Variants in GALNT15 observed in about 807,000 individuals in gnomAD.
The protein encoded by GALNT15 is polypeptide N-acetylgalactosaminyltransferase 15.
Under a neutral mutation model 66.8 loss-of-function variants are expected in GALNT15, and 67 were observed. That is an observed-to-expected ratio of 1.00 (90% CI 0.82 to 1.23). The LOEUF is 1.23. Ranked by LOEUF, GALNT15 falls within the 50% of genes most tolerant of loss-of-function variation. GALNT15 has a pLI of 0.00. For synonymous variants in GALNT15, 313 were observed against 311.5 expected, an observed-to-expected ratio of 1.00 and a Z score of -0.05; for missense variants, 827 against 804.3, an observed-to-expected ratio of 1.03 and a Z score of -0.34.
Position 16,195,872 on chromosome 3 carries a change from G to C in GALNT15, c.652G>C (p.Val218Leu). Residue 218 changes from valine to leucine, a missense_variant, in exon 2 of 10, where the codon GTG (valine) becomes CTG (leucine). Val to Leu is a conservative substitution (Grantham distance 32, BLOSUM62 1). Transcript: ENST00000339732. The surrounding 1 kb of genome is among the most constrained non-coding windows in gnomAD (Gnocchi z 4.6). ...GACTGTACACAGCATCCTCGACACAGTGCCCAGGGCCTTCCTGAAGGAGAT... is the reference window on the plus strand; with the variant it reads ...GACTGTACACAGCATCCTCGACACACTGCCCAGGGCCTTCCTGAAGGAGAT... Reference protein sequence around the residue: ...LRTVHSILDTVPRAFLKEIIL... With the variant: ...LRTVHSILDTLPRAFLKEIIL... 1 of 1,614,128 alleles carries C rather than the reference G, an allele frequency of 6.2e-7. No homozygotes were observed. Among genetic ancestry groups the C allele is most frequent in the Middle Eastern group, 1.7e-4 (1 of 6,060 alleles).
intron 3 of GALNT15, among the ~76,000 whole-genome samples, chr3:16,202,672 T>C (rs1012471218): frequency 2.6e-5 from 4 of 152,256 alleles, no homozygotes; most frequent in African/African-American, 9.6e-5. Flanking sequence ...AAAGCTGCCA[T>C]TTTTGATTCT....
rs1265729857 is a variant in GALNT15 at position 16,183,683 on chromosome 3, C to T, written c.539+7993C>T. On this transcript the variant is annotated intron_variant, in intron 1 of 9. Coordinates refer to ENST00000339732, the MANE Select transcript of GALNT15 (RefSeq NM_054110.5). The surrounding 1 kb of genome is among the most constrained non-coding windows in gnomAD (Gnocchi z 5.2). ...CAGGGCTGAGATAGAGAAGCCTATC[C>T]GAGTGGGGCGCCTCCACTGATTTGA... is the stretch of plus-strand genomic sequence containing the variant. Among the ~76,000 whole-genome samples the T allele has an allele frequency of 3.3e-5, 5 of 152,112 alleles. No individual in the cohort carries two copies. Among genetic ancestry groups the T allele is most frequent in the African/African-American group, 9.7e-5 (4 of 41,424 alleles).
At position 16,229,638 on chromosome 3, in the gene GALNT15, A is replaced by AC; in HGVS notation, c.*2138_*2139insC. The stretch of plus-strand genomic sequence containing the variant: ...TGGTATTAGCGGCTGAAGAAAAAAA[A>AC]TTTTTCAAGACCTCTGTTTTTTAAC... On this transcript the variant is annotated 3_prime_UTR_variant, in exon 10 of 10. Coordinates refer to ENST00000339732, the MANE Select transcript of GALNT15 (RefSeq NM_054110.5). The AC allele has an allele frequency of 1.0e-6, 1 of 985,324 alleles. No homozygotes were observed. Among genetic ancestry groups the AC allele is most frequent in the Non-Finnish European group, 1.2e-6 (1 of 829,896 alleles). 61.0% of individuals were successfully genotyped at this position (985,324 alleles called of 1,614,324 possible). A position where few individuals can be genotyped will look rare whatever the true frequency, so the allele number is the denominator to read the frequency against.
the GALNT15 span, among the ~76,000 whole-genome samples, chr3:16,238,489 A>G: frequency 9.2e-5 from 14 of 152,138 alleles, no homozygotes; most frequent in African/African-American, 2.9e-4. This position sits in a 1 kb window ranked among gnomAD's most constrained non-coding sequence, Gnocchi z 4.8. Flanking sequence ...TATTGTAACA[A>G]CATTGCAATA....
chr3:16,218,313 A>G (rs970520040), intron 6 of GALNT15, among the ~76,000 whole-genome samples: 1 of 152,200 alleles, frequency 6.6e-6, no homozygotes, highest in African/African-American at 2.4e-5. Context: ...GAACTCTGAC[A>G]TGGCCAGCTC....
intron 2 of GALNT15, among the ~76,000 whole-genome samples, chr3:16,197,450 G>A (rs2063650523): frequency 6.6e-6 from 1 of 152,182 alleles, no homozygotes; most frequent in African/African-American, 2.4e-5. Context: ...TCTCCTCTGT[G>A]TGCTTGCCAA....
chr3:16,215,906 C>CAAAAAAAAAAAACAAAA (rs1559690416), intron 6 of GALNT15, among the ~76,000 whole-genome samples: 8 of 102,598 alleles, frequency 7.8e-5, no homozygotes, highest in Non-Finnish European at 1.0e-4. Context: ...GAGACTCCGC[C>CAAAAAAAAAAAACAAAA]AAAAAAAAAA....
chr3:16,177,617 G>A (rs931343437), intron 1 of GALNT15, among the ~76,000 whole-genome samples: 2 of 152,214 alleles, frequency 1.3e-5, no homozygotes, highest in Non-Finnish European at 2.9e-5. Flanking sequence ...GTGTGCATGT[G>A]TGTTAATGTG....
At chr3:16,247,536 A>C in the GALNT15 span, among the ~76,000 whole-genome samples, 2 of 152,178 alleles carry the variant, frequency 1.3e-5, no homozygotes, top group Non-Finnish European at 2.9e-5. Context: ...ACAAATATTA[A>C]AGCAGCAGGC....
chr3:16,206,376 T>G (rs1193830525), intron 3 of GALNT15, among the ~76,000 whole-genome samples: 2 of 144,464 alleles, frequency 1.4e-5, no homozygotes, highest in Non-Finnish European at 1.5e-5. Flanking sequence ...AGTGAGACCA[T>G]TTAAAAAAAA....
rs938183218 is a variant in GALNT15 at position 16,189,841 on chromosome 3, C to A, written c.540-5919C>A. ...TATGTTCAAGATGGATTAATGGAGTCAAAAAGATTGTGAGAAATGAGAATT... is the reference window on the plus strand; with the variant it reads ...TATGTTCAAGATGGATTAATGGAGTAAAAAAGATTGTGAGAAATGAGAATT... On this transcript the variant is annotated intron_variant, in intron 1 of 9. Transcript: ENST00000339732. The surrounding 1 kb of genome is among the most constrained non-coding windows in gnomAD (Gnocchi z 5.1). Among the ~76,000 whole-genome samples the A allele has an allele frequency of 9.9e-5, 15 of 151,756 alleles. No homozygotes were observed. Among genetic ancestry groups the A allele is most frequent in the African/African-American group, 3.4e-4 (14 of 41,102 alleles).
rs182951319 is a variant in GALNT15, at chr3:16,186,515, T to C, written c.540-9245T>C. Among the ~76,000 whole-genome samples the C allele has an allele frequency of 2.8e-4, 43 of 152,306 alleles. No homozygotes were observed. The highest frequency in any genetic ancestry group is 8.2e-4 in the African/African-American group (34 of 41,562). ...ATTCATAGTGGCATTAGTCATAATA[T>C]AAGTCAAAATAGGAGCAATCCAAAT... On this transcript the variant is annotated intron_variant, in intron 1 of 9. Coordinates refer to ENST00000339732, the MANE Select transcript of GALNT15 (RefSeq NM_054110.5). The surrounding 1 kb of genome is among the most constrained non-coding windows in gnomAD (Gnocchi z 5.1).
rs1056803668 is a variant in GALNT15 at position 16,181,513 on chromosome 3, C to T, written c.539+5823C>T. Among the ~76,000 whole-genome samples, 1 of 151,982 alleles carries T rather than the reference C, an allele frequency of 6.6e-6. No homozygotes were observed. Among genetic ancestry groups the T allele is most frequent in the East Asian group, 1.9e-4 (1 of 5,152 alleles). On this transcript the variant is annotated intron_variant, in intron 1 of 9. Transcript: ENST00000339732. This position sits in a 1 kb window ranked among gnomAD's most constrained non-coding sequence, Gnocchi z 5.9. ...GTCGCCTTGGCTGCAGCTTTGTTGT[C>T]AAGTAGAAGATGGTGTTGCAATCCA...
intron 1 of GALNT15, among the ~76,000 whole-genome samples, chr3:16,178,855 C>T (rs2063441113): frequency 6.6e-6 from 1 of 152,198 alleles, no homozygotes; most frequent in East Asian, 1.9e-4. Context: ...CGGGCTGTAG[C>T]GCACCCCGTG....
rs759270506 is a variant in GALNT15, at chr3:16,189,103, C to G, written c.540-6657C>G. Among the ~76,000 whole-genome samples the G allele has an allele frequency of 3.3e-5, 5 of 152,138 alleles. No homozygotes were observed. Among genetic ancestry groups the G allele is most frequent in the Non-Finnish European group, 7.4e-5 (5 of 68,020 alleles). On this transcript the variant is annotated intron_variant, in intron 1 of 9. Transcript: ENST00000339732. The surrounding 1 kb of genome is among the most constrained non-coding windows in gnomAD (Gnocchi z 5.1). ...TAACAACAACAACAAAAAAAGGAAG[C>G]CACCAAAGCCACTGGATGAGCAAGA... is the stretch of plus-strand genomic sequence containing the variant.
chr3:16,238,135 G>A, the GALNT15 span, among the ~76,000 whole-genome samples: 3 of 152,132 alleles, frequency 2.0e-5, no homozygotes, highest in South Asian at 4.1e-4. The surrounding 1 kb of genome is among the most constrained non-coding windows in gnomAD (Gnocchi z 4.8). Context: ...TTTCCTCTTA[G>A]CAGTTACCAT....
chr3:16,243,168 A>G, the GALNT15 span, among the ~76,000 whole-genome samples: 1 of 152,222 alleles, frequency 6.6e-6, no homozygotes, highest in South Asian at 2.1e-4. Flanking sequence ...TGCACTTGCA[A>G]GAGCAGACCA....
rs757047930 is a variant in GALNT15, at chr3:16,224,971, C to G, written c.1773+2213C>G. On this transcript the variant is annotated intron_variant, in intron 9 of 9. Coordinates refer to ENST00000339732, the MANE Select transcript of GALNT15 (RefSeq NM_054110.5). The surrounding 1 kb of genome is among the most constrained non-coding windows in gnomAD (Gnocchi z 5.2). Reference sequence around the variant, plus strand: ...ATTCTTGCATTGCTATAAAGAAATACTAGAGACTGGGTAATTTATAAGAAA... The same window carrying G: ...ATTCTTGCATTGCTATAAAGAAATAGTAGAGACTGGGTAATTTATAAGAAA... 6.6e-6 allele frequency among the ~76,000 whole-genome samples: 1 copy of G among 152,144 alleles called. No homozygotes were observed. Among genetic ancestry groups the G allele is most frequent in the Non-Finnish European group, 1.5e-5 (1 of 68,034 alleles).
At chr3:16,215,624 G>T (rs4685323) in intron 6 of GALNT15, among the ~76,000 whole-genome samples, 69,005 of 151,868 alleles carry the variant, frequency 0.45, 16,547 homozygotes, top group East Asian at 0.57. Flanking sequence ...TATATCGAAG[G>T]TGCTCGGCTG....
Sources: gnomAD v4.1 joint callset for allele counts (sites outside exome capture counted in the v4.1 genomes callset) on GRCh38, gnomAD v4.1.1 for gene constraint, Gnocchi (gnomAD v3.1) non-coding constraint, MANE v1.5 for transcripts, NCBI Gene and HGNC (gene_info 2026-07-23, HGNC 2026-07-21) for gene names.